ZNF385D: variants seen among roughly 807,000 people sequenced by gnomAD.
ZNF385D encodes the protein zinc finger protein 385D, also known as zinc finger protein 659.
ZNF385D carries 15 observed loss-of-function variants against 35.8 expected under a neutral mutation model. The ratio of observed to expected loss-of-function variants is 0.42; its 90% CI spans 0.28 to 0.64. The LOEUF is 0.64. Ranked by LOEUF, ZNF385D falls within the 30% of genes least tolerant of loss-of-function variation. ZNF385D has a pLI of 0.23. For synonymous variants in ZNF385D, 212 were observed against 186.8 expected (o/e 1.13, Z -1.10); for missense variants, 474 against 494.6 (o/e 0.96, Z 0.39).
intron 4 of ZNF385D, among the ~76,000 whole-genome samples, chr3:21,494,285 T>C (rs1705655097): frequency 6.6e-6 from 1 of 152,112 alleles, no homozygotes. Flanking sequence ...CCACAATAAA[T>C]ATGTGAAGAA....
intron 3 of ZNF385D, among the ~76,000 whole-genome samples, chr3:21,788,407 G>A (rs1202524736): frequency 6.6e-6 from 1 of 151,966 alleles, no homozygotes; most frequent in Non-Finnish European, 1.5e-5. Context: ...AAACCTGGGA[G>A]GCAGAGGTTG....
chr3:21,965,657 C>T (rs1702872658), intron 3 of ZNF385D, among the ~76,000 whole-genome samples: 1 of 152,034 alleles, frequency 6.6e-6, no homozygotes, highest in Non-Finnish European at 1.5e-5. Context: ...AGGACATTAC[C>T]AGAACAACTG....
At chr3:21,964,412 T>TAAAAAA (rs60635259) in intron 3 of ZNF385D, among the ~76,000 whole-genome samples, 153 of 71,356 alleles carry the variant, frequency 2.1e-3, no homozygotes, top group Middle Eastern at 0.014. Flanking sequence ...GTCCTTTTTG[T>TAAAAAA]AAAAAAAAAA....
At chr3:21,476,006 G>C (rs1408838539) in intron 4 of ZNF385D, among the ~76,000 whole-genome samples, 10 of 152,050 alleles carry the variant, frequency 6.6e-5, no homozygotes, top group Non-Finnish European at 4.4e-5. Flanking sequence ...TGCTTTCTCA[G>C]AAGTTGCTGG....
intron 2 of ZNF385D, among the ~76,000 whole-genome samples, chr3:21,602,699 AT>A (rs551180104): frequency 4.7e-4 from 69 of 145,796 alleles, no homozygotes; most frequent in Middle Eastern, 3.6e-3. Context: ...CGCCCGGCTA[AT>A]TTTTTTGTAT....
At position 21,982,994 on chromosome 3, in the gene ZNF385D, G is replaced by C. The variant is rs115574087; in HGVS notation, c.325+185823C>G. On this transcript the variant is annotated intron_variant, in intron 3 of 5. Transcript: ENST00000494108. ...ATGTGCTGCTGAATTTGGTTTGCGA[G>C]TATTTTGCTGAAGATTTTTACATTG... is the stretch of plus-strand genomic sequence containing the variant. Among the ~76,000 whole-genome samples the C allele has an allele frequency of 1.7e-4, 26 of 152,034 alleles. 1 individual carries two copies. Among genetic ancestry groups the C allele is most frequent in the African/African-American group, 4.8e-4 (20 of 41,488 alleles).
chr3:21,775,605 G>A (rs528655824), intron 3 of ZNF385D, among the ~76,000 whole-genome samples: 221 of 151,834 alleles, frequency 1.5e-3, no homozygotes, highest in Non-Finnish European at 2.7e-3. Context: ...GAAGTCTTCC[G>A]TAACTTATCA....
intron 4 of ZNF385D, among the ~76,000 whole-genome samples, chr3:21,484,180 G>C (rs1485028877): frequency 1.3e-5 from 2 of 152,200 alleles, no homozygotes; most frequent in African/African-American, 4.8e-5. Context: ...CCAGGGCTGA[G>C]CTCTAGACCT....
intron 1 of ZNF385D, among the ~76,000 whole-genome samples, chr3:21,672,696 G>T (rs1293511899): frequency 6.6e-6 from 1 of 152,094 alleles, no homozygotes; most frequent in African/African-American, 2.4e-5. Context: ...AAATATTCCA[G>T]TAAGTCACCT....
At chr3:21,933,984 T>G (rs1314277084) in intron 3 of ZNF385D, among the ~76,000 whole-genome samples, 1 of 147,800 alleles carries the variant, frequency 6.8e-6, no homozygotes, top group Non-Finnish European at 1.5e-5. Context: ...CACTATTATT[T>G]ACATAGTAAC....
At chr3:22,177,692 C>T (rs904303334) in intron 2 of ZNF385D, among the ~76,000 whole-genome samples, 1 of 152,186 alleles carries the variant, frequency 6.6e-6, no homozygotes, top group East Asian at 1.9e-4. Context: ...ATTAACTCGT[C>T]ATTTAACATT....
chr3:22,123,044 C>T (rs1310856633), intron 3 of ZNF385D, among the ~76,000 whole-genome samples: 1 of 152,136 alleles, frequency 6.6e-6, no homozygotes, highest in Middle Eastern at 3.2e-3. Flanking sequence ...CCATGACATT[C>T]TTTCCTTTGA....
chr3:21,751,212 A>T (rs1187205636), upstream of ZNF385D: 1 of 1,318,572 alleles, frequency 7.6e-7, no homozygotes, highest in East Asian at 3.4e-5. Flanking sequence ...ATCAGGACTG[A>T]GAGTACTACA....
At chr3:21,711,039 G>GTTGTTTTTTT (rs2068082583) in intron 1 of ZNF385D, among the ~76,000 whole-genome samples, 1 of 83,154 alleles carries the variant, frequency 1.2e-5, no homozygotes, top group African/African-American at 5.1e-5. Context: ...CCCTCTAAAA[G>GTTGTTTTTTT]TTTTTTTTTT....
At chr3:21,727,218 T>G (rs551205859) in intron 1 of ZNF385D, among the ~76,000 whole-genome samples, 1 of 152,120 alleles carries the variant, frequency 6.6e-6, no homozygotes, top group Non-Finnish European at 1.5e-5. Context: ...ACCATAAAAA[T>G]TCTAGAAGAA....
intron 2 of ZNF385D, among the ~76,000 whole-genome samples, chr3:22,269,890 A>C (rs1701085995): frequency 1.3e-5 from 2 of 151,740 alleles, no homozygotes; most frequent in African/African-American, 4.8e-5. Flanking sequence ...TTGTCTCCTT[A>C]AGATCTGGTA....
At chr3:21,766,306 C>T (rs1189975330) in intron 3 of ZNF385D, among the ~76,000 whole-genome samples, 2 of 151,962 alleles carry the variant, frequency 1.3e-5, no homozygotes, top group South Asian at 2.1e-4. Flanking sequence ...GATGGTCAAA[C>T]GTTTTATTAT....
In ZNF385D at chr3:22,182,470, C is replaced by A. The variant is rs557452354; in HGVS notation, c.107-13435G>T. ...GACATAACTAATCAATTATGACAAT[C>A]TTTCCTTCAGAGGCTGGATTTGGTT... On this transcript the variant is annotated intron_variant, in intron 2 of 5. Coordinates refer to the ZNF385D transcript ENST00000494108. Among the ~76,000 whole-genome samples the A allele has an allele frequency of 1.9e-3, 286 of 152,180 alleles. 3 individuals carry two copies. Among genetic ancestry groups the A allele is most frequent in the African/African-American group, 6.8e-3 (281 of 41,534 alleles).
chr3:22,268,331 ACTTT>A (rs1326482312), intron 2 of ZNF385D, among the ~76,000 whole-genome samples: 1 of 152,034 alleles, frequency 6.6e-6, no homozygotes, highest in South Asian at 2.1e-4. Flanking sequence ...CAATAAATGT[ACTTT>A]CTTTTCTTCC....
Sources: gnomAD v4.1 joint callset for allele counts (sites outside exome capture counted in the v4.1 genomes callset) on GRCh38, gnomAD v4.1.1 for gene constraint, MANE v1.5 for transcripts, NCBI Gene and HGNC (gene_info 2026-07-23, HGNC 2026-07-21) for gene names.